RNLS: variants seen among roughly 807,000 people sequenced by gnomAD.
RNLS encodes the protein renalase.
A neutral mutation model predicts 39.8 loss-of-function variants in RNLS; 39 were observed. That is an observed-to-expected ratio of 0.98 (90% CI 0.76 to 1.28). The LOEUF is 1.28. Among genes scored for constraint, RNLS ranks in the 50% most tolerant of loss-of-function variants. The probability of loss-of-function intolerance (pLI) is 0.00; values close to 1 mark genes in which losing one functional copy is unlikely to be tolerated. For synonymous variants in RNLS, 147 were observed against 150.7 expected (o/e 0.98, Z 0.18); for missense variants, 410 against 413.3 (o/e 0.99, Z 0.07).
At chr10:88,402,626 G>T (rs1392888229) in intron 4 of RNLS, among the ~76,000 whole-genome samples, 1 of 152,000 alleles carries the variant, frequency 6.6e-6, no homozygotes, top group Non-Finnish European at 1.5e-5. Flanking sequence ...ATTTTATGCA[G>T]AAGACAATGT....
At chr10:88,283,796 TG>T (rs1843108109), downstream of RNLS, among the ~76,000 whole-genome samples, 1 of 151,710 alleles carries the variant, frequency 6.6e-6, no homozygotes, top group Non-Finnish European at 1.5e-5. Flanking sequence ...CAACAGAAAG[TG>T]GGGCCTACCT....
chr10:88,203,995 G>A, the RNLS span, among the ~76,000 whole-genome samples: 52 of 152,142 alleles, frequency 3.4e-4, no homozygotes, highest in Admixed American at 2.7e-3. Flanking sequence ...CTCATTTAAT[G>A]TTCACCACGG....
intron 4 of RNLS, among the ~76,000 whole-genome samples, chr10:88,471,734 A>T (rs1444059544): frequency 6.6e-6 from 1 of 152,144 alleles, no homozygotes; most frequent in Non-Finnish European, 1.5e-5. Flanking sequence ...AGTCCAGAAG[A>T]AACCAGGTGC....
rs1849086912 is a variant in RNLS, at chr10:88,560,053, T to G, written c.526+12850A>C. 3.3e-5 allele frequency among the ~76,000 whole-genome samples: 5 copies of G among 152,266 alleles called. No individual in the cohort carries two copies. In the South Asian group the frequency reaches 1.0e-3, roughly 32 times the overall value. On this transcript the variant is annotated intron_variant, in intron 4 of 6. Coordinates refer to ENST00000331772, the MANE Select transcript of RNLS (RefSeq NM_001031709.3). Reference sequence around the variant, plus strand: ...CAGGATAACTGGAATACCTATCACTTCAAATATTTATCTTTTCTTTGTGTT... The same window carrying G: ...CAGGATAACTGGAATACCTATCACTGCAAATATTTATCTTTTCTTTGTGTT...
intron 4 of RNLS, among the ~76,000 whole-genome samples, chr10:88,524,497 A>T (rs1846959096): frequency 6.6e-6 from 1 of 152,164 alleles, no homozygotes; most frequent in Non-Finnish European, 1.5e-5. Context: ...GAGACTAGAC[A>T]TGCTGTGCAA....
At chr10:88,258,396 T>C in the RNLS span, among the ~76,000 whole-genome samples, 1 of 152,210 alleles carries the variant, frequency 6.6e-6, no homozygotes, top group Non-Finnish European at 1.5e-5. Context: ...GGAGTCCGTT[T>C]TGAACCCTAA....
At chr10:88,520,557 A>C (rs1846666279) in intron 4 of RNLS, among the ~76,000 whole-genome samples, 1 of 152,090 alleles carries the variant, frequency 6.6e-6, no homozygotes, top group African/African-American at 2.4e-5. Context: ...AGTTAAGAAA[A>C]GAAATTGATG....
At chr10:88,426,205 A>C (rs1289684154) in intron 4 of RNLS, among the ~76,000 whole-genome samples, 1 of 152,104 alleles carries the variant, frequency 6.6e-6, no homozygotes, top group Non-Finnish European at 1.5e-5. Flanking sequence ...ACAGAGAAGT[A>C]CACAAGAATT....
the RNLS span, among the ~76,000 whole-genome samples, chr10:88,240,405 C>CTTTTT: frequency 1.3e-5 from 1 of 75,084 alleles, no homozygotes. Flanking sequence ...GGCAAAAAGT[C>CTTTTT]CTTTTTTTAA....
chr10:88,575,165 C>T (rs964337844), intron 3 of RNLS, among the ~76,000 whole-genome samples: 3,787 of 49,826 alleles, frequency 0.076, 73 homozygotes, highest in Middle Eastern at 0.11. Flanking sequence ...TATATACACA[C>T]ACACACACAC....
chr10:88,190,139 T>C, the RNLS span, among the ~76,000 whole-genome samples: 1 of 152,206 alleles, frequency 6.6e-6, no homozygotes, highest in Non-Finnish European at 1.5e-5. Context: ...GAGTTCTGAG[T>C]CTTCCCTGCC....
the RNLS span, among the ~76,000 whole-genome samples, chr10:88,220,466 A>G: frequency 4.6e-5 from 7 of 152,218 alleles, no homozygotes; most frequent in Non-Finnish European, 8.8e-5. Flanking sequence ...TGAAATACAG[A>G]TATCAAAATA....
intron 6 of RNLS, among the ~76,000 whole-genome samples, chr10:88,312,731 A>G (rs1440409768): frequency 6.6e-6 from 1 of 152,116 alleles, no homozygotes; most frequent in Non-Finnish European, 1.5e-5. Flanking sequence ...TTACCACTAG[A>G]TACATTTTTA....
At chr10:88,459,341 A>C (rs899447547) in intron 4 of RNLS, among the ~76,000 whole-genome samples, 39 of 152,248 alleles carry the variant, frequency 2.6e-4, no homozygotes, top group African/African-American at 9.1e-4. Flanking sequence ...TAGGTCCATT[A>C]GTGGATAAAT....
intron 4 of RNLS, among the ~76,000 whole-genome samples, chr10:88,523,135 C>T (rs577076475): frequency 6.6e-6 from 1 of 152,218 alleles, no homozygotes; most frequent in Non-Finnish European, 1.5e-5. Flanking sequence ...TCATCACATA[C>T]AGTTAAGTCA....
chr10:88,218,798 T>C, the RNLS span, among the ~76,000 whole-genome samples: 3 of 152,154 alleles, frequency 2.0e-5, no homozygotes, highest in Admixed American at 2.0e-4. Flanking sequence ...CCTCTTTGTT[T>C]CCAAGAGAGC....
chr10:88,173,649 A>G, the RNLS span, among the ~76,000 whole-genome samples: 7 of 152,132 alleles, frequency 4.6e-5, no homozygotes, highest in African/African-American at 1.7e-4. Flanking sequence ...TGTGCCCTCT[A>G]CAAGTTCAGT....
At chr10:88,440,053 A>C (rs537346564) in intron 4 of RNLS, among the ~76,000 whole-genome samples, 8 of 152,168 alleles carry the variant, frequency 5.3e-5, no homozygotes, top group African/African-American at 1.7e-4. Context: ...TTTGAGGGCA[A>C]GGGCTATATC....
At chr10:88,534,465 A>G (rs1847629416) in intron 4 of RNLS, among the ~76,000 whole-genome samples, 1 of 152,178 alleles carries the variant, frequency 6.6e-6, no homozygotes, top group Non-Finnish European at 1.5e-5. Context: ...ATTATTCTTC[A>G]ATAAATAAAG....
Sources: allele counts gnomAD v4.1 joint callset (sites outside exome capture counted in the v4.1 genomes callset), GRCh38; gene constraint gnomAD v4.1.1; transcripts MANE v1.5; gene names NCBI Gene and HGNC (gene_info 2026-07-23, HGNC 2026-07-21).